The following COL17A1 variants were observed in gnomAD, a reference collection of about 807,000 sequenced individuals.
COL17A1 encodes the protein collagen alpha-1(XVII) chain.
COL17A1 carries 181 observed loss-of-function variants against 218.4 expected under a neutral mutation model. The ratio of observed to expected loss-of-function variants is 0.83; its 90% CI spans 0.73 to 0.94. COL17A1 has a LOEUF of 0.94. COL17A1 is among the 40% of genes least tolerant of loss of function. The pLI, the probability that COL17A1 is intolerant of heterozygous loss-of-function variation, is 0.00. For missense variants in COL17A1, 1,924 were observed against 1,945.9 expected (o/e 0.99, Z 0.21); for synonymous variants, 721 against 731.0 (o/e 0.99, Z 0.22).
At chr10:104,082,991 T>A (rs538336568) in intron 1 of COL17A1, among the ~76,000 whole-genome samples, 1 of 152,252 alleles carries the variant, frequency 6.6e-6, no homozygotes, top group Non-Finnish European at 1.5e-5. Context: ...TACAGGTAGA[T>A]GCCTCTCTCT....
Position 104,035,341 on chromosome 10 carries a change from C to G in COL17A1, c.3541G>C (p.Gly1181Arg). 1 of 1,614,234 alleles carries G rather than the reference C, an allele frequency of 6.2e-7. No homozygotes were observed. Among genetic ancestry groups the G allele is most frequent in the Non-Finnish European group, 8.5e-7 (1 of 1,180,030 alleles). ...GGGATCCCTGGTGGACCCGGGGGAC[C>G]TGGGGGTCCAACGATGCCTCTGAAT... is the stretch of plus-strand genomic sequence containing the variant. Reference protein sequence around the residue: ...SEFRGIVGPPGPPGPPGIPGN... With the variant: ...SEFRGIVGPPRPPGPPGIPGN... Residue 1181 changes from glycine to arginine, a missense_variant, in exon 50 of 56, where the codon GGT becomes CGT. Transcript: ENST00000648076.
At chr10:104,052,802 G>A (rs556447024) in intron 23 of COL17A1, among the ~76,000 whole-genome samples, 8 of 152,168 alleles carry the variant, frequency 5.3e-5, no homozygotes, top group African/African-American at 7.2e-5. Flanking sequence ...CCACTTTCCC[G>A]GTGGATTCCA....
intron 44 of COL17A1, 77 bp downstream of exon 44, chr10:104,038,994 A>G: frequency 7.0e-7 from 1 of 1,431,782 alleles, no homozygotes; most frequent in Admixed American, 1.7e-5. Flanking sequence ...ATGAACGAAT[A>G]GAGCAACATC....
chr10:104,085,799 T>C lies in COL17A1; in HGVS notation c.-88A>G, dbSNP rs1589582333. 1 of 152,776 alleles carries C rather than the reference T, an allele frequency of 6.5e-6. No individual in the cohort carries two copies. Among genetic ancestry groups the C allele is most frequent in the South Asian group, 2.1e-4 (1 of 4,828 alleles). The allele number at this position is 152,776 out of a possible 1,614,324, so 9.5% of individuals were successfully genotyped here. On this transcript the variant is annotated 5_prime_UTR_variant, in exon 1 of 56. Transcript: ENST00000648076. Reference sequence around the variant, plus strand: ...TCTCTTTCTTCTCCTGATGTTTTCTTCTAGAAATTTGCAGTGCTCACTTTT... The same window carrying C: ...TCTCTTTCTTCTCCTGATGTTTTCTCCTAGAAATTTGCAGTGCTCACTTTT...
intron 18 of COL17A1, 104 bp downstream of exon 18, chr10:104,055,678 A>G: frequency 6.7e-7 from 1 of 1,481,910 alleles, no homozygotes; most frequent in Non-Finnish European, 9.2e-7. Context: ...AGAGGCCGAG[A>G]GTGGGCCGGA....
intron 3 of COL17A1, 39 bp from the exon 4 acceptor site, chr10:104,077,565 G>A (rs750668643): frequency 6.5e-7 from 1 of 1,547,366 alleles, no homozygotes; most frequent in Non-Finnish European, 8.8e-7. Context: ...TCAGGGTGGA[G>A]TCAGGCCAGA....
At chr10:104,046,836 C>T in intron 31 of COL17A1, 63 bp from the exon 32 acceptor site, 1 of 1,511,488 alleles carries the variant, frequency 6.6e-7, no homozygotes, top group Non-Finnish European at 9.2e-7. Flanking sequence ...GGTAGCCACA[C>T]CCACACCTGC....
intron 18 of COL17A1, 22 bp downstream of exon 18, chr10:104,055,760 C>CT: frequency 6.2e-7 from 1 of 1,613,352 alleles, no homozygotes; most frequent in Non-Finnish European, 8.5e-7. Flanking sequence ...GGAGCTGGCC[C>CT]TGTGCCCGGC....
At position 104,032,084 on chromosome 10, in the gene COL17A1, G is replaced by T; in HGVS notation, c.*151C>A. ...TGACTGAATTCTATAAGTATATATTGTTCAGACTAAAACAAATGTTGCTAG... is the reference window on the plus strand; with the variant it reads ...TGACTGAATTCTATAAGTATATATTTTTCAGACTAAAACAAATGTTGCTAG... On this transcript the variant is annotated 3_prime_UTR_variant, in exon 56 of 56. Transcript: ENST00000648076. The T allele has an allele frequency of 4.4e-6, 3 of 688,576 alleles. No homozygotes were observed. Among genetic ancestry groups the T allele is most frequent in the Non-Finnish European group, 7.9e-6 (3 of 378,636 alleles). 42.7% of individuals were successfully genotyped at this position (688,576 alleles called of 1,614,324 possible). A position where few individuals can be genotyped will look rare whatever the true frequency, so the allele number is the denominator to read the frequency against.
chr10:104,064,429 G>C lies in COL17A1; in HGVS notation c.766+9C>G. 2.5e-6 allele frequency: 4 copies of C among 1,613,972 alleles called. No homozygotes were observed. The highest frequency in any genetic ancestry group is 2.5e-6 in the Non-Finnish European group (3 of 1,179,976). ...GGGTGAGAGAGGGTGTGGGCTGCCC[G>C]CCAGGTACCTGATCCCGCAGAGTAG... On this transcript the variant is annotated intron_variant, in intron 10 of 55. Coordinates refer to ENST00000648076, the MANE Select transcript of COL17A1 (RefSeq NM_000494.4).
chr10:104,068,996 TC>T (rs1222168470), intron 9 of COL17A1, among the ~76,000 whole-genome samples: 1 of 152,106 alleles, frequency 6.6e-6, no homozygotes, highest in African/African-American at 2.4e-5. Context: ...TTCACTGGGG[TC>T]CCCAGGATAT....
intron 15 of COL17A1, chr10:104,059,296 A>C (rs1387399998): frequency 5.8e-6 from 2 of 342,414 alleles, no homozygotes; most frequent in East Asian, 1.4e-4. Flanking sequence ...GGGAAGAAAA[A>C]AAAATAAAGC....
chr10:104,052,831 T>C (rs1329804697), intron 23 of COL17A1, among the ~76,000 whole-genome samples, 200 bp downstream of exon 23: 1 of 152,192 alleles, frequency 6.6e-6, no homozygotes, highest in Admixed American at 6.5e-5. Flanking sequence ...AGATGGGTTC[T>C]CAGCCCTAGG....
At chr10:104,074,292 C>T (rs142067443) in intron 5 of COL17A1, 61 bp from the exon 6 acceptor site, 293 of 1,612,792 alleles carry the variant, frequency 1.8e-4, no homozygotes, top group Middle Eastern at 6.7e-4. Flanking sequence ...GCTTCCAAAA[C>T]GGGAGGTAGT....
At chr10:104,042,943 A>G (rs570857763) in intron 35 of COL17A1, among the ~76,000 whole-genome samples, 4 of 152,188 alleles carry the variant, frequency 2.6e-5, no homozygotes, top group Middle Eastern at 3.2e-3. Flanking sequence ...TCTTGTATTA[A>G]TACAGTTGAA....
chr10:104,070,396 C>T, intron 9 of COL17A1, 30 bp downstream of exon 9: 2 of 1,612,550 alleles, frequency 1.2e-6, no homozygotes, highest in Non-Finnish European at 1.7e-6. Context: ...GTTTCTCACA[C>T]TCCTCGGCAG....
At position 104,032,694 on chromosome 10, in the gene COL17A1, T is replaced by C. The variant is rs754387703; in HGVS notation, c.4418A>G (p.Lys1473Arg). ...CTTACCTTTGTCTCCTTTTTCTCCC[T>C]TGTGTCCTCGAGGGCCAGGTGGCCC... ...HPGPPGPRGHKGEKGDKGDQV... is the reference protein window; with the variant it reads ...HPGPPGPRGHRGEKGDKGDQV... Residue 1473 changes from lysine (K) to arginine (R), a missense_variant, in exon 55 of 56, where the codon AAG becomes AGG. Lys to Arg is a conservative substitution (Grantham distance 26). Transcript: ENST00000648076. 1 of 1,613,980 alleles carries C rather than the reference T, an allele frequency of 6.2e-7. No individual in the cohort carries two copies. Among genetic ancestry groups the C allele is most frequent in the African/African-American group, 1.3e-5 (1 of 74,942 alleles).
Position 104,078,548 on chromosome 10 carries a change from G to T in COL17A1, c.91C>A (p.Pro31Thr), listed in dbSNP as rs769433580. ...ETVTTRLTSLPPKGGTSNGYA... is the reference protein window; with the variant it reads ...ETVTTRLTSLTPKGGTSNGYA... ...TATTGAGGTAGTTACTTACTTGGTG[G>T]TAAGGATGTAAGTCTTGTGGTTACT... The change falls in exon 3 of 56, where the codon CCA (proline) becomes ACA (threonine). Residue 31 changes from proline (P) to threonine (T), a missense_variant. Physicochemically the swap from Pro to Thr is conservative, Grantham distance 38. Coordinates refer to ENST00000648076, the MANE Select transcript of COL17A1 (RefSeq NM_000494.4). 6.2e-7 allele frequency: 1 copy of T among 1,614,176 alleles called. No individual in the cohort carries two copies. The highest frequency in any genetic ancestry group is 1.3e-5 in the African/African-American group (1 of 75,044).
In COL17A1 at chr10:104,078,587, C is replaced by T. The variant is rs111989156; in HGVS notation, c.53-1G>A. On this transcript the variant is annotated splice_acceptor_variant, in intron 2 of 55. Coordinates refer to ENST00000648076, the MANE Select transcript of COL17A1 (RefSeq NM_000494.4). LOFTEE classifies it high-confidence loss of function. Reference sequence around the variant, plus strand: ...CTTGTGGTTACTGTTTCAGTGACAACTAGAAAAAGACAAAGAAAAGATGAG... The same window carrying T: ...CTTGTGGTTACTGTTTCAGTGACAATTAGAAAAAGACAAAGAAAAGATGAG... 6.2e-7 allele frequency: 1 copy of T among 1,614,074 alleles called. No homozygotes were observed. The highest frequency in any genetic ancestry group is 8.5e-7 in the Non-Finnish European group (1 of 1,179,994).
Sources: allele counts gnomAD v4.1 joint callset (sites outside exome capture counted in the v4.1 genomes callset), GRCh38; gene constraint gnomAD v4.1.1; transcripts MANE v1.5; gene names NCBI Gene and HGNC (gene_info 2026-07-23, HGNC 2026-07-21).